The following CYP11B2 variants were observed in gnomAD, a reference collection of about 807,000 sequenced individuals.
CYP11B2 encodes cytochrome P450 family 11 subfamily B member 2.
In CYP11B2, 38 loss-of-function variants were observed where a neutral mutation model predicts 49.3. The ratio of observed to expected loss-of-function variants is 0.77; its 90% CI spans 0.59 to 1.01. The LOEUF (loss-of-function observed/expected upper bound fraction) is 1.01. CYP11B2 is among the 50% of genes least tolerant of loss of function. The pLI is 0.00. For synonymous variants in CYP11B2, 290 were observed against 269.3 expected (o/e 1.08, Z -0.75); for missense variants, 669 against 655.5 (o/e 1.02, Z -0.23).
rs533773299 is a variant in CYP11B2, at chr8:142,916,596, C to G, written c.395+463G>C. 213 of 397,412 alleles carry G rather than the reference C, an allele frequency of 5.4e-4. 2 individuals carry two copies. The highest frequency in any genetic ancestry group is 3.6e-3 in the African/African-American group (174 of 48,854). The allele number at this position is 397,412 out of a possible 1,614,324, so 24.6% of individuals were successfully genotyped here. On this transcript the variant is annotated intron_variant, in intron 2 of 8. Transcript: ENST00000323110. ...GCCTCCTGCCCCGGACTGTCCCCAT[C>G]AGGAAGGTTTGCCAGGACTGCAGGG...
In CYP11B2 at chr8:142,917,771, G is replaced by GCGGCTCTAGTGCCCAT; in HGVS notation, c.69_70insATGGGCACTAGAGCCG (p.Leu24MetfsTer9). On this transcript the variant is annotated frameshift_variant, in exon 1 of 9. Coordinates refer to ENST00000323110, the MANE Select transcript of CYP11B2 (RefSeq NM_000498.3). LOFTEE classifies it high-confidence loss of function. The stretch of plus-strand genomic sequence containing the variant: ...GGGGCCCGAGCGGCTCTAGTGCCCA[G>GCGGCTCTAGTGCCCAT]TGCCCGTGCCCTTTGCAGGGACAGC... 6.2e-7 allele frequency: 1 copy of GCGGCTCTAGTGCCCAT among 1,614,214 alleles called. No individual in the cohort carries two copies. Among genetic ancestry groups the GCGGCTCTAGTGCCCAT allele is most frequent in the African/African-American group, 1.3e-5 (1 of 75,074 alleles).
intron 5 of CYP11B2, 142 bp downstream of exon 5, chr8:142,914,122 A>AG: frequency 1.1e-6 from 1 of 919,084 alleles, no homozygotes; most frequent in Non-Finnish European, 1.8e-6. Flanking sequence ...TTAACAAAGG[A>AG]GGGGGAAGGC....
rs1817542332 is a variant in CYP11B2 at position 142,911,951 on chromosome 8, A to G, written c.*29T>C. ...GTCAGGCAGAGGGAAGCTGGTGGCC[A>G]GGCTGGGACCCTGGGTGCAGATGCA... On this transcript the variant is annotated 3_prime_UTR_variant, in exon 9 of 9. Coordinates refer to ENST00000323110, the MANE Select transcript of CYP11B2 (RefSeq NM_000498.3). 3.7e-6 allele frequency: 6 copies of G among 1,613,826 alleles called. No homozygotes were observed. Among genetic ancestry groups the G allele is most frequent in the Non-Finnish European group, 4.2e-6 (5 of 1,179,864 alleles).
chr8:142,914,152 G>T, intron 5 of CYP11B2, 112 bp downstream of exon 5: 2 of 1,233,334 alleles, frequency 1.6e-6, no homozygotes. Context: ...CAGAAATGTG[G>T]GGCCTGTAGC....
Position 142,911,482 on chromosome 8 carries a change from C to A in CYP11B2, c.*498G>T. On this transcript the variant is annotated 3_prime_UTR_variant, in exon 9 of 9. Coordinates refer to ENST00000323110, the MANE Select transcript of CYP11B2 (RefSeq NM_000498.3). Reference sequence around the variant, plus strand: ...CAACTTTCAGAGAGCTCAGGGCATGCTCGAGCTGCCTGGGGTCAGGCTGCA... The same window carrying A: ...CAACTTTCAGAGAGCTCAGGGCATGATCGAGCTGCCTGGGGTCAGGCTGCA... 5.3e-6 allele frequency: 1 copy of A among 188,116 alleles called. No individual in the cohort carries two copies. The highest frequency in any genetic ancestry group is 1.1e-5 in the Non-Finnish European group (1 of 89,398). The allele number at this position is 188,116 out of a possible 1,614,324, so 11.7% of individuals were successfully genotyped here.
chr8:142,913,528 T>A (rs13252628), intron 5 of CYP11B2, 77 bp from the exon 6 acceptor site: 15 of 1,576,786 alleles, frequency 9.5e-6, no homozygotes, highest in South Asian at 3.3e-5. Flanking sequence ...CAGGACAACC[T>A]CCCTCTGAGG....
chr8:142,913,675 G>T (rs1211431214), intron 5 of CYP11B2, among the ~76,000 whole-genome samples: 1 of 152,128 alleles, frequency 6.6e-6, no homozygotes, highest in Admixed American at 6.5e-5. Flanking sequence ...CAGGTCCCCT[G>T]CAGCCTCTTC....
chr8:142,917,678 T>A lies in CYP11B2; in HGVS notation c.163A>T (p.Ile55Phe), dbSNP rs1376961152. ...TGCTCATAACCCTGCTCCCTCCAGA[T>A]CTGCAGCAGCCTCAGCCACCTGTTG... is the stretch of plus-strand genomic sequence containing the variant. ...PGNRWLRLLQ[I>F]WREQGYEHLH... The change falls in exon 1 of 9, where the codon ATC becomes TTC. Residue 55 changes from isoleucine (I) to phenylalanine (F), a missense_variant. Physicochemically the swap from Ile to Phe is conservative, Grantham distance 21 (BLOSUM62 0). Coordinates refer to ENST00000323110, the MANE Select transcript of CYP11B2 (RefSeq NM_000498.3). The A allele has an allele frequency of 1.2e-6, 2 of 1,614,126 alleles. No individual in the cohort carries two copies. Among genetic ancestry groups the A allele is most frequent in the East Asian group, 4.5e-5 (2 of 44,894 alleles).
chr8:142,917,237 C>T (rs1195600467), intron 1 of CYP11B2, 23 bp from the exon 2 acceptor site: 2 of 1,613,126 alleles, frequency 1.2e-6, no homozygotes, highest in South Asian at 2.2e-5. Flanking sequence ...GCAGGAGGCC[C>T]TGCTGGACGG....
intron 5 of CYP11B2, among the ~76,000 whole-genome samples, chr8:142,913,740 C>A (rs1817583949): frequency 6.6e-6 from 1 of 152,316 alleles, no homozygotes; most frequent in Non-Finnish European, 1.5e-5. Flanking sequence ...CAGCATCATC[C>A]AGGGAGTTCT....
At position 142,912,997 on chromosome 8, in the gene CYP11B2, A is replaced by G. The variant is rs186478459; in HGVS notation, c.1122-112T>C. On this transcript the variant is annotated intron_variant, in intron 6 of 8. Transcript: ENST00000323110. The stretch of plus-strand genomic sequence containing the variant: ...GAGGTCCCAGATCCATGGGAAGCCC[A>G]GGTCGTAGGAAGTACTTCCTTGCAC... 0.01 allele frequency: 11,929 copies of G among 1,155,918 alleles called. 810 individuals carry two copies. In the African/African-American group the frequency reaches 0.2, roughly 19 times the overall value. The allele number at this position is 1,155,918 out of a possible 1,614,324, so 71.6% of individuals were successfully genotyped here.
intron 1 of CYP11B2, 88 bp from the exon 2 acceptor site, chr8:142,917,302 C>T (rs1817664959): frequency 2.0e-6 from 3 of 1,490,638 alleles, no homozygotes; most frequent in Non-Finnish European, 2.8e-6. Context: ...GTCTCCTGTC[C>T]ACCCTCCCTG....
In CYP11B2 at chr8:142,912,708, A is replaced by G; in HGVS notation, c.1220T>C (p.Leu407Pro). 6.2e-7 allele frequency: 1 copy of G among 1,614,074 alleles called. No homozygotes were observed. Among genetic ancestry groups the G allele is most frequent in the Non-Finnish European group, 8.5e-7 (1 of 1,179,972 alleles). Residue 407 changes from leucine (L) to proline (P), a missense_variant, in exon 8 of 9, where the codon CTC becomes CCC. Coordinates refer to ENST00000323110, the MANE Select transcript of CYP11B2 (RefSeq NM_000498.3). The stretch of plus-strand genomic sequence containing the variant: ...GGCGGCATTGCGACCCAGCGAGTAG[A>G]GGAAAACCTGTACCAATGTCTGCGG... Reference protein sequence around the residue: ...IPAGTLVQVFLYSLGRNAALF... With the variant: ...IPAGTLVQVFPYSLGRNAALF...
rs1206054298 is a variant in CYP11B2, at chr8:142,916,609, C to T, written c.395+450G>A. 7.6e-6 allele frequency: 3 copies of T among 396,124 alleles called. No homozygotes were observed. In the Admixed American group the frequency reaches 8.0e-5, roughly 11 times the overall value. The allele number at this position is 396,124 out of a possible 1,614,324, so 24.5% of individuals were successfully genotyped here. On this transcript the variant is annotated intron_variant, in intron 2 of 8. Transcript: ENST00000323110. ...GACTGTCCCCATCAGGAAGGTTTGCCAGGACTGCAGGGACCCTGAGCGCCC... is the reference window on the plus strand; with the variant it reads ...GACTGTCCCCATCAGGAAGGTTTGCTAGGACTGCAGGGACCCTGAGCGCCC...
chr8:142,911,767 A>G lies in CYP11B2; in HGVS notation c.*213T>C. On this transcript the variant is annotated 3_prime_UTR_variant, in exon 9 of 9. Transcript: ENST00000323110. The stretch of plus-strand genomic sequence containing the variant: ...GCTGGGGACAAGGCCAGGCCCTGCC[A>G]GCAAGATCGTCTCCAGCTGTGCCCT... 1.5e-6 allele frequency: 1 copy of G among 676,078 alleles called. No individual in the cohort carries two copies. Among genetic ancestry groups the G allele is most frequent in the South Asian group, 1.9e-5 (1 of 52,750 alleles). 41.9% of individuals were successfully genotyped at this position (676,078 alleles called of 1,614,324 possible).
intron 5 of CYP11B2, 192 bp downstream of exon 5, chr8:142,914,072 G>T (rs772892114): frequency 1.4e-6 from 1 of 714,096 alleles, no homozygotes; most frequent in Non-Finnish European, 2.5e-6. Context: ...TCTCATGTGA[G>T]GGGGAGCTCA....
At chr8:142,912,259 A>G (rs533249302) in intron 8 of CYP11B2, among the ~76,000 whole-genome samples, 166 bp from the exon 9 acceptor site, 1 of 152,078 alleles carries the variant, frequency 6.6e-6, no homozygotes, top group East Asian at 1.9e-4. Context: ...CCAGGCCCAG[A>G]CTGAATCCTG....
At chr8:142,912,506 GC>G in intron 8 of CYP11B2, 23 bp downstream of exon 8, 1 of 1,531,894 alleles carries the variant, frequency 6.5e-7, no homozygotes, top group Non-Finnish European at 9.0e-7. Flanking sequence ...CCCAGGTCCC[GC>G]CCCCGCCCCC....
rs368519861 is a variant in CYP11B2, at chr8:142,915,017, G to A, written c.595+29C>T. On this transcript the variant is annotated intron_variant, in intron 3 of 8. Transcript: ENST00000323110. ...CATCCCTGGCCACTCCAGGGTCTCT[G>A]GGGCTGGACCTTCCCGCATGGCCCA... is the stretch of plus-strand genomic sequence containing the variant. 1.6e-4 allele frequency: 253 copies of A among 1,613,176 alleles called. 1 individual carries two copies. Among genetic ancestry groups the A allele is most frequent in the South Asian group, 7.5e-4 (68 of 90,856 alleles).
Sources: allele counts gnomAD v4.1 joint callset (sites outside exome capture counted in the v4.1 genomes callset), GRCh38; gene constraint gnomAD v4.1.1; transcripts MANE v1.5; gene names NCBI Gene and HGNC (gene_info 2026-07-23, HGNC 2026-07-21).